LAMB1: variants seen among roughly 807,000 people sequenced by gnomAD.
LAMB1 encodes the protein laminin subunit beta-1.
LAMB1 carries 121 observed loss-of-function variants against 222.3 expected under a neutral mutation model. The ratio of observed to expected loss-of-function variants is 0.54; its 90% CI spans 0.47 to 0.63. The LOEUF (loss-of-function observed/expected upper bound fraction) is 0.63, where lower values mean the gene tolerates loss of function less well. Ranked by LOEUF, LAMB1 falls within the 30% of genes least tolerant of loss-of-function variation. LAMB1 has a pLI of 0.00. For missense variants in LAMB1, 2,172 were observed against 2,240.8 expected, an observed-to-expected ratio of 0.97 and a Z score of 0.62; for synonymous variants, 794 against 807.2, an observed-to-expected ratio of 0.98 and a Z score of 0.28.
intron 5 of LAMB1, among the ~76,000 whole-genome samples, chr7:107,989,971 T>C (rs1401450208): frequency 6.6e-6 from 1 of 152,234 alleles, no homozygotes; most frequent in East Asian, 1.9e-4. Context: ...AGGCCTGCCA[T>C]TGCTGCACAG....
At chr7:107,935,363 T>A in intron 27 of LAMB1, 52 bp downstream of exon 27, 2 of 1,248,530 alleles carry the variant, frequency 1.6e-6, no homozygotes, top group Non-Finnish European at 2.1e-6. Flanking sequence ...TTTTTTTTTT[T>A]TTTTTTTTTT....
rs756376151 is a variant in LAMB1, at chr7:107,960,434, G to A, written c.2314+11C>T. On this transcript the variant is annotated intron_variant, in intron 18 of 33. Coordinates refer to ENST00000222399, the MANE Select transcript of LAMB1 (RefSeq NM_002291.3). ...AAACAGCAGCTGCTGCAGCTGCCCA[G>A]CAATACCTACCCAGGCCTGTCTGGT... 1 of 1,608,938 alleles carries A rather than the reference G, an allele frequency of 6.2e-7. No individual in the cohort carries two copies. Among genetic ancestry groups the A allele is most frequent in the South Asian group, 1.1e-5 (1 of 90,932 alleles).
intron 7 of LAMB1, 48 bp from the exon 8 acceptor site, chr7:107,980,859 AGT>A (rs1563002540): frequency 8.2e-7 from 1 of 1,221,624 alleles, no homozygotes; most frequent in South Asian, 1.3e-5. Context: ...ACAAGCAAGA[AGT>A]TTTTTTTTTT....
intron 21 of LAMB1, among the ~76,000 whole-genome samples, chr7:107,954,649 G>A (rs998737860): frequency 6.6e-6 from 1 of 152,124 alleles, no homozygotes; most frequent in Non-Finnish European, 1.5e-5. Flanking sequence ...GTGGTGGTGG[G>A]GCATGGTGGC....
rs192121144 is a variant in LAMB1 at position 107,934,703 on chromosome 7, C to A, written c.4188+712G>T. ...GCTCCCTTTAATTTTTAATGGAAGC[C>A]CCTTCTAGAATGACTCTGAATTCCT... On this transcript the variant is annotated intron_variant, in intron 27 of 33. Transcript: ENST00000222399. Among the ~76,000 whole-genome samples, 151 of 152,032 alleles carry A rather than the reference C, an allele frequency of 9.9e-4. 1 individual carries two copies. The highest frequency in any genetic ancestry group is 1.8e-3 in the Non-Finnish European group (125 of 67,984).
chr7:107,973,627 A>C (rs1347752664), intron 12 of LAMB1, among the ~76,000 whole-genome samples: 1 of 152,138 alleles, frequency 6.6e-6, no homozygotes, highest in African/African-American at 2.4e-5. Flanking sequence ...ATGAGTATAT[A>C]AAAACAGGTT....
chr7:107,945,285 T>C (rs2033091888), intron 24 of LAMB1, among the ~76,000 whole-genome samples: 1 of 152,208 alleles, frequency 6.6e-6, no homozygotes. Context: ...AGGAAAACAC[T>C]AGCAAGTCAA....
Position 107,964,662 on chromosome 7 carries a change from A to G in LAMB1, c.1588T>C (p.Ser530Pro). 4 of 1,614,152 alleles carry G rather than the reference A, an allele frequency of 2.5e-6. No individual in the cohort carries two copies. The highest frequency in any genetic ancestry group is 3.4e-6 in the Non-Finnish European group (4 of 1,180,014). The change falls in exon 14 of 34, where the codon TCA becomes CCA. Residue 530 changes from serine to proline, a missense_variant. Coordinates refer to ENST00000222399, the MANE Select transcript of LAMB1 (RefSeq NM_002291.3). Reference protein sequence around the residue: ...NSCFAESGQCSCRPHMIGRQC... With the variant: ...NSCFAESGQCPCRPHMIGRQC... ...CGTCCAATCATGTGAGGCCGGCATG[A>G]GCACTGGCCTGACTCCGCAAAGCAA... is the stretch of plus-strand genomic sequence containing the variant.
chr7:107,965,842 C>CTA (rs1188284804), intron 13 of LAMB1, among the ~76,000 whole-genome samples: 1 of 151,932 alleles, frequency 6.6e-6, no homozygotes, highest in Non-Finnish European at 1.5e-5. Flanking sequence ...TGGCTCACGT[C>CTA]TATAATCCCA....
chr7:107,929,376 C>T (rs1453085517), intron 30 of LAMB1, 36 bp downstream of exon 30: 1 of 1,580,128 alleles, frequency 6.3e-7, no homozygotes, highest in Non-Finnish European at 8.7e-7. Context: ...GATAGATACA[C>T]AAAATAAGCC....
rs751051152 is a variant in LAMB1 at position 107,940,391 on chromosome 7, C to T, written c.3392-33G>A. The T allele has an allele frequency of 4.4e-6, 7 of 1,588,712 alleles. No homozygotes were observed. In the East Asian group the frequency reaches 1.6e-4, roughly 36 times the overall value. ...GGAATAAGCAATGCTAGCTGATCTA[C>T]TTAATCATGAACCTCAGTGACAAGA... On this transcript the variant is annotated intron_variant, in intron 24 of 33. Transcript: ENST00000222399.
Position 107,952,260 on chromosome 7 carries a change from C to A in LAMB1, c.3080-37G>T, listed in dbSNP as rs2033273288. ...CATCACATTTACTTATTGTCACACT[C>A]CCAAATACACAGGCATGCGGATGTT... On this transcript the variant is annotated intron_variant, in intron 22 of 33. Transcript: ENST00000222399. The A allele has an allele frequency of 6.1e-6, 9 of 1,480,054 alleles. No individual in the cohort carries two copies. The Middle Eastern group carries it at 5.2e-4, about 86-fold the overall frequency. The allele number at this position is 1,480,054 out of a possible 1,614,324, so 91.7% of individuals were successfully genotyped here. A position where few individuals can be genotyped will look rare whatever the true frequency, so the allele number is the denominator to read the frequency against.
chr7:108,000,580 G>A lies in LAMB1; in HGVS notation c.213+978C>T, dbSNP rs541674193. Among the ~76,000 whole-genome samples, 3 of 152,356 alleles carry A rather than the reference G, an allele frequency of 2.0e-5. No homozygotes were observed. The South Asian group carries it at 6.2e-4, about 32-fold the overall frequency. ...ATTTTTTGAGACAGGGTCTCCCTTT[G>A]TTGATCAAGCTGGAATGCAGTGGAC... On this transcript the variant is annotated intron_variant, in intron 3 of 33. Coordinates refer to ENST00000222399, the MANE Select transcript of LAMB1 (RefSeq NM_002291.3).
At chr7:107,983,656 G>A (rs570732414) in intron 7 of LAMB1, among the ~76,000 whole-genome samples, 5 of 146,808 alleles carry the variant, frequency 3.4e-5, no homozygotes, top group Non-Finnish European at 4.5e-5. Flanking sequence ...GGGTTCAAGC[G>A]ACAGGCACGC....
chr7:107,998,558 A>T (rs909405007), intron 3 of LAMB1, 66 bp from the exon 4 acceptor site: 1 of 1,411,622 alleles, frequency 7.1e-7, no homozygotes, highest in Non-Finnish European at 9.7e-7. Flanking sequence ...TAATTAAAAA[A>T]ACCCCATGAA....
intron 29 of LAMB1, 124 bp downstream of exon 29, chr7:107,931,232 T>A: frequency 2.6e-6 from 2 of 774,882 alleles, no homozygotes; most frequent in South Asian, 1.8e-5. Context: ...ACATTTAATA[T>A]ACGGACGTTT....
rs76510640 is a variant in LAMB1 at position 108,001,920 on chromosome 7, A to G, written c.38-187T>C. On this transcript the variant is annotated intron_variant, in intron 2 of 33. Coordinates refer to ENST00000222399, the MANE Select transcript of LAMB1 (RefSeq NM_002291.3). Reference sequence around the variant, plus strand: ...AGGCTGGGAAGGCAGGGACTCCGAAAGGAGAAGGACACGGAAAGAAACCCA... The same window carrying G: ...AGGCTGGGAAGGCAGGGACTCCGAAGGGAGAAGGACACGGAAAGAAACCCA... 14,239 of 1,460,834 alleles carry G rather than the reference A, an allele frequency of 9.7e-3. 83 individuals carry two copies. Among genetic ancestry groups the G allele is most frequent in the Non-Finnish European group, 0.012 (12,851 of 1,102,156 alleles). 90.5% of individuals were successfully genotyped at this position (1,460,834 alleles called of 1,614,324 possible).
Position 107,951,307 on chromosome 7 carries a change from G to A in LAMB1, c.3310C>T (p.Gln1104Ter). Residue 1104 changes from glutamine (Q) to a stop codon, truncating the protein, a stop_gained, in exon 24 of 34, where the codon CAG becomes TAG. Transcript: ENST00000222399. LOFTEE classifies it high-confidence loss of function. The part of the protein sequence containing the change: ...PSCNEFTGQC[Q>*]CMPGFGGRTC... ...CGGCCTCCAAACCCAGGCATGCACT[G>A]GCACTGCCCCGTGAACTGCGGCCAG... 1.2e-6 allele frequency: 2 copies of A among 1,614,136 alleles called. No homozygotes were observed. Among genetic ancestry groups the A allele is most frequent in the Non-Finnish European group, 1.7e-6 (2 of 1,179,996 alleles).
intron 27 of LAMB1, 35 bp downstream of exon 27, chr7:107,935,380 C>A: frequency 2.3e-6 from 2 of 876,640 alleles, no homozygotes; most frequent in Admixed American, 3.0e-5. Flanking sequence ...TTTTGCTTGG[C>A]ACCATAGCAG....
Sources: gnomAD v4.1 joint callset for allele counts (sites outside exome capture counted in the v4.1 genomes callset) on GRCh38, gnomAD v4.1.1 for gene constraint, MANE v1.5 for transcripts, NCBI Gene and HGNC (gene_info 2026-07-23, HGNC 2026-07-21) for gene names.